The following LRP2 variants were observed in gnomAD, a reference collection of about 807,000 sequenced individuals.
LRP2 encodes the protein low-density lipoprotein receptor-related protein 2.
Under a neutral mutation model 531.0 loss-of-function variants are expected in LRP2, and 172 were observed. The ratio of observed to expected loss-of-function variants is 0.32; its 90% CI spans 0.29 to 0.37. LRP2 has a LOEUF of 0.37. Among genes scored for constraint, LRP2 ranks in the 10% least tolerant of loss-of-function variants. LRP2 has a pLI of 1.00. For synonymous variants in LRP2, 1,992 were observed against 2,027.6 expected, an observed-to-expected ratio of 0.98 and a Z score of 0.47; for missense variants, 5,167 against 5,868.3, an observed-to-expected ratio of 0.88 and a Z score of 3.90.
At chr2:169,174,827 C>G (rs1276285695) in intron 55 of LRP2, among the ~76,000 whole-genome samples, 3 of 57,614 alleles carry the variant, frequency 5.2e-5, no homozygotes, top group African/African-American at 1.6e-4. Flanking sequence ...TTTTTTTTTG[C>G]CTTTTAAATG....
rs1390247441 is a variant in LRP2 at position 169,206,054 on chromosome 2, G to C, written c.7525C>G (p.Pro2509Ala). Residue 2509 changes from proline (P) to alanine (A), a missense_variant, in exon 40 of 79, where the codon CCA becomes GCA. By Grantham distance (27) the Pro-to-Ala change is conservative (BLOSUM62 -1). Transcript: ENST00000649046. ...NRTVIARVPKPRAIVLDPCQG... is the reference protein window; with the variant it reads ...NRTVIARVPKARAIVLDPCQG... Reference sequence around the variant, plus strand: ...CAGGGATCTAACACAATTGCTCTTGGTTTTGGAACGCGGGCTATCACAGTG... The same window carrying C: ...CAGGGATCTAACACAATTGCTCTTGCTTTTGGAACGCGGGCTATCACAGTG... 1.2e-6 allele frequency: 2 copies of C among 1,614,058 alleles called. No individual in the cohort carries two copies. The highest frequency in any genetic ancestry group is 1.7e-6 in the Non-Finnish European group (2 of 1,180,052).
chr2:169,347,910 G>A (rs1685737864), intron 1 of LRP2, among the ~76,000 whole-genome samples: 1 of 152,142 alleles, frequency 6.6e-6, no homozygotes, highest in South Asian at 2.1e-4. Context: ...CTGAAATGAG[G>A]TCATCTGATC....
At chr2:169,264,241 T>A (rs998783982) in intron 16 of LRP2, among the ~76,000 whole-genome samples, 1 of 151,682 alleles carries the variant, frequency 6.6e-6, no homozygotes, top group African/African-American at 2.4e-5. Flanking sequence ...ACTTAAAGTA[T>A]AATAATAAAT....
chr2:169,213,629 T>C (rs374343631), intron 36 of LRP2, 28 bp downstream of exon 36: 44 of 1,555,178 alleles, frequency 2.8e-5, no homozygotes, highest in South Asian at 4.4e-5. Context: ...TATACACCCA[T>C]GAATGTATTT....
chr2:169,137,352 G>T, intron 76 of LRP2, 40 bp downstream of exon 76: 2 of 1,319,072 alleles, frequency 1.5e-6, no homozygotes, highest in South Asian at 1.2e-5. Context: ...AAGATCCAGC[G>T]ACAGCAGTAA....
At position 169,128,842 on chromosome 2, in the gene LRP2, A is replaced by G; in HGVS notation, c.13801-12T>C. The G allele has an allele frequency of 6.2e-7, 1 of 1,614,012 alleles. No homozygotes were observed. Among genetic ancestry groups the G allele is most frequent in the Non-Finnish European group, 8.5e-7 (1 of 1,179,938 alleles). On this transcript the variant is annotated splice_polypyrimidine_tract_variant and intron_variant, in intron 78 of 78. Coordinates refer to ENST00000649046, the MANE Select transcript of LRP2 (RefSeq NM_004525.3). ...TGCTCGTTCTCCATCTAAGAATACA[A>G]TGTAACAGGAATCAGCCATTTATTC... is the stretch of plus-strand genomic sequence containing the variant.
intron 1 of LRP2, among the ~76,000 whole-genome samples, chr2:169,355,915 G>C (rs1036262032): frequency 6.6e-6 from 1 of 152,176 alleles, no homozygotes. Flanking sequence ...CTTTGAGACA[G>C]GGTCTCACTC....
At chr2:169,339,570 T>C (rs1037015413) in intron 1 of LRP2, among the ~76,000 whole-genome samples, 1 of 152,182 alleles carries the variant, frequency 6.6e-6, no homozygotes, top group African/African-American at 2.4e-5. Flanking sequence ...TAGTAATAAT[T>C]AAAAAATACA....
At chr2:169,314,689 A>G (rs3770621) in intron 3 of LRP2, among the ~76,000 whole-genome samples, 5,515 of 152,310 alleles carry the variant, frequency 0.036, 162 homozygotes, top group East Asian at 0.096. Flanking sequence ...AAATAATTTC[A>G]TATTTTCTCT....
intron 16 of LRP2, among the ~76,000 whole-genome samples, chr2:169,268,015 A>G (rs1452136984): frequency 2.6e-5 from 4 of 152,246 alleles, no homozygotes; most frequent in Non-Finnish European, 4.4e-5. Context: ...GAAGAAATAG[A>G]TAAATTCCTG....
intron 11 of LRP2, among the ~76,000 whole-genome samples, chr2:169,279,904 A>G (rs1265244605): frequency 6.6e-6 from 1 of 152,210 alleles, no homozygotes; most frequent in African/African-American, 2.4e-5. Flanking sequence ...GTGAAACAAA[A>G]TTTGGGCCAT....
intron 4 of LRP2, among the ~76,000 whole-genome samples, chr2:169,304,957 C>A (rs1684376989): frequency 6.6e-6 from 1 of 152,122 alleles, no homozygotes; most frequent in African/African-American, 2.4e-5. Context: ...AGCAAACTAA[C>A]ACAGGAATAG....
intron 10 of LRP2, among the ~76,000 whole-genome samples, chr2:169,282,269 C>T (rs1224291368): frequency 6.6e-6 from 1 of 152,182 alleles, no homozygotes. Context: ...TTGAGACCTT[C>T]GTCCGGAGAA....
At chr2:169,193,612 T>C in intron 47 of LRP2, 149 bp downstream of exon 47, 1 of 969,374 alleles carries the variant, frequency 1.0e-6, no homozygotes, top group Non-Finnish European at 1.6e-6. Context: ...TATCAAACAC[T>C]CCCAGCATGG....
chr2:169,145,609 T>C (rs1468322370), intron 70 of LRP2, 138 bp downstream of exon 70: 1 of 828,092 alleles, frequency 1.2e-6, no homozygotes, highest in Non-Finnish European at 2.0e-6. Flanking sequence ...CCAGCAAACG[T>C]ACATACACAT....
At chr2:169,231,546 C>A (rs961329400) in intron 31 of LRP2, among the ~76,000 whole-genome samples, 168 bp downstream of exon 31, 2 of 152,088 alleles carry the variant, frequency 1.3e-5, no homozygotes, top group African/African-American at 4.8e-5. Context: ...GTATTACAAC[C>A]AAGGCACACA....
chr2:169,194,077 C>T (rs1468234017), intron 46 of LRP2, among the ~76,000 whole-genome samples, 185 bp from the exon 47 acceptor site: 1 of 152,140 alleles, frequency 6.6e-6, no homozygotes, highest in Non-Finnish European at 1.5e-5. Context: ...TAAAAGTAGT[C>T]AACTGACAGT....
chr2:169,277,597 T>C, intron 13 of LRP2, 148 bp downstream of exon 13: 1 of 743,242 alleles, frequency 1.3e-6, no homozygotes, highest in South Asian at 1.7e-5. Context: ...GGTCACTTCA[T>C]GCAAATGTCA....
intron 16 of LRP2, among the ~76,000 whole-genome samples, chr2:169,270,251 A>G (rs1038888882): frequency 7.9e-5 from 12 of 152,294 alleles, no homozygotes; most frequent in Admixed American, 3.3e-4. Flanking sequence ...CCATCCCATT[A>G]CTGGGCATAT....
Sources: gnomAD v4.1 joint callset for allele counts (sites outside exome capture counted in the v4.1 genomes callset) on GRCh38, gnomAD v4.1.1 for gene constraint, MANE v1.5 for transcripts, NCBI Gene and HGNC (gene_info 2026-07-23, HGNC 2026-07-21) for gene names.